FBXW8: variants seen among roughly 807,000 people sequenced by gnomAD.
FBXW8 encodes the protein F-box and WD repeat domain containing 8.
In FBXW8, 57 loss-of-function variants were observed where a neutral mutation model predicts 65.3. The observed-to-expected ratio is 0.87, with a 90% CI of 0.71 to 1.09. FBXW8 has a LOEUF of 1.09. Among genes scored for constraint, FBXW8 ranks in the 50% least tolerant of loss-of-function variants. The pLI is 0.00. For synonymous variants in FBXW8, 308 were observed against 330.2 expected (o/e 0.93, Z 0.73); for missense variants, 777 against 814.8 (o/e 0.95, Z 0.57).
chr12:116,959,042 G>A (rs1231016561), intron 4 of FBXW8, among the ~76,000 whole-genome samples: 2 of 152,168 alleles, frequency 1.3e-5, no homozygotes, highest in Non-Finnish European at 2.9e-5. Flanking sequence ...GTTTGGGAGT[G>A]GCTGTTTGTG....
At chr12:116,949,727 TGA>T (rs1883154218) in intron 4 of FBXW8, 21 bp downstream of exon 4, 1 of 1,607,820 alleles carries the variant, frequency 6.2e-7, no homozygotes, top group South Asian at 1.1e-5. Flanking sequence ...CCGTTTCCAC[TGA>T]GTGCTCTGCA....
chr12:116,978,359 T>C (rs1053020755), intron 5 of FBXW8: 1 of 152,268 alleles, frequency 6.6e-6, no homozygotes, highest in Admixed American at 6.5e-5. Flanking sequence ...TGGTGATGTG[T>C]GGACTTAATG....
chr12:116,979,349 TTA>T (rs1200891248), intron 5 of FBXW8: 2 of 152,240 alleles, frequency 1.3e-5, no homozygotes, highest in African/African-American at 4.8e-5. Flanking sequence ...TGAGCAGGCT[TTA>T]TGTCTCCTCG....
intron 7 of FBXW8, among the ~76,000 whole-genome samples, chr12:116,996,086 C>T (rs917722150): frequency 2.6e-5 from 4 of 152,150 alleles, no homozygotes; most frequent in African/African-American, 9.7e-5. Context: ...GAGAGAGATC[C>T]ACTTAGGGCT....
chr12:116,975,517 TA>T (rs1446801741), intron 5 of FBXW8, among the ~76,000 whole-genome samples: 1 of 152,016 alleles, frequency 6.6e-6, no homozygotes, highest in Non-Finnish European at 1.5e-5. Flanking sequence ...GAAATGGTGG[TA>T]GGGGGGACAC....
At chr12:117,026,738 A>C (rs1277084647) in intron 9 of FBXW8, among the ~76,000 whole-genome samples, 2 of 152,174 alleles carry the variant, frequency 1.3e-5, no homozygotes, top group Non-Finnish European at 2.9e-5. Flanking sequence ...CTTCTTCACT[A>C]GCTAGGGCTC....
intron 10 of FBXW8, 41 bp from the exon 11 acceptor site, chr12:117,027,987 G>T (rs373381027): frequency 6.2e-7 from 1 of 1,610,982 alleles, no homozygotes; most frequent in Admixed American, 1.7e-5. Flanking sequence ...GAGGGCCAGC[G>T]AGGCAGCCCT....
At chr12:116,962,186 A>G (rs953043248) in intron 4 of FBXW8, among the ~76,000 whole-genome samples, 3 of 152,196 alleles carry the variant, frequency 2.0e-5, no homozygotes, top group Non-Finnish European at 4.4e-5. Context: ...TGAGTGGACC[A>G]ACCTCCTCTG....
intron 1 of FBXW8, among the ~76,000 whole-genome samples, chr12:116,927,618 C>T (rs558228156): frequency 6.6e-6 from 1 of 152,262 alleles, no homozygotes; most frequent in South Asian, 2.1e-4. Flanking sequence ...GAGGGGTGGC[C>T]TCCCTGATTT....
Position 117,029,798 on chromosome 12 carries a change from C to CG in FBXW8, c.*1631dup, listed in dbSNP as rs1954317820. On this transcript the variant is annotated 3_prime_UTR_variant, in exon 11 of 11. Coordinates refer to ENST00000652555, the MANE Select transcript of FBXW8 (RefSeq NM_153348.3). ...CTAATTTTTACATTTTTAGTAGAGA[C>CG]GGGGGATATTGCTATGTTGGCCAGG... 1.3e-5 allele frequency: 2 copies of CG among 151,690 alleles called. No homozygotes were observed. Among genetic ancestry groups the CG allele is most frequent in the African/African-American group, 4.8e-5 (2 of 41,294 alleles). The allele number at this position is 151,690 out of a possible 1,614,324, so 9.4% of individuals were successfully genotyped here.
In FBXW8 at chr12:116,988,750, G is replaced by A. The variant is rs781570701; in HGVS notation, c.1120G>A (p.Glu374Lys). The stretch of plus-strand genomic sequence containing the variant: ...AGATCTGATGTACCTGCTCAAAGCC[G>A]AAGACTCCGCCAGAACCCTCCTTTA... ...AGDLMYLLKA[E>K]DSARTLLYAH... The change falls in exon 7 of 11, where the codon GAA becomes AAA. Residue 374 changes from glutamate to lysine, a missense_variant. Glu to Lys is a moderately conservative substitution (Grantham distance 56). Coordinates refer to ENST00000652555, the MANE Select transcript of FBXW8 (RefSeq NM_153348.3). 18 of 1,613,996 alleles carry A rather than the reference G, an allele frequency of 1.1e-5. No individual in the cohort carries two copies. In the African/African-American group the frequency reaches 1.2e-4, roughly 11 times the overall value.
At chr12:116,939,266 G>A (rs1034285553) in intron 2 of FBXW8, among the ~76,000 whole-genome samples, 4 of 152,170 alleles carry the variant, frequency 2.6e-5, no homozygotes, top group African/African-American at 9.7e-5. Context: ...TTTGGATTTG[G>A]GGATTTGGGA....
rs201854291 is a variant in FBXW8, at chr12:116,945,440, C to T, written c.500C>T (p.Pro167Leu). ...CTGTGCCAGCAGGAAGGGCACCTTC[C>T]GGATAGCAGCATCTCTGACTATTCT... ...YRLCQQEGHL[P>L]DSSISDYSCW... is the part of the protein sequence containing the mutation. The change falls in exon 3 of 11, where the codon CCG becomes CTG. Residue 167 changes from proline to leucine, a missense_variant. Transcript: ENST00000652555. 93 of 1,614,056 alleles carry T rather than the reference C, an allele frequency of 5.8e-5. No individual in the cohort carries two copies. In the East Asian group the frequency reaches 1.9e-3, roughly 33 times the overall value.
intron 1 of FBXW8, among the ~76,000 whole-genome samples, chr12:116,915,693 C>A (rs899159747): frequency 8.0e-6 from 1 of 124,726 alleles, no homozygotes; most frequent in Non-Finnish European, 1.6e-5. Context: ...TACCCTGTAA[C>A]CTAGGCTGGA....
In FBXW8 at chr12:116,910,951, C is replaced by T; in HGVS notation, c.-87C>T. 1 of 1,245,376 alleles carries T rather than the reference C, an allele frequency of 8.0e-7. No individual in the cohort carries two copies. The highest frequency in any genetic ancestry group is 1.0e-6 in the Non-Finnish European group (1 of 983,236). The allele number at this position is 1,245,376 out of a possible 1,614,324, so 77.1% of individuals were successfully genotyped here. ...CTAGAGCGGCGGCGGCAGCGGCTTC[C>T]GGCCGCGGCGGACACTTCCCTGGGC... is the stretch of plus-strand genomic sequence containing the variant. On this transcript the variant is annotated 5_prime_UTR_variant, in exon 1 of 11. Transcript: ENST00000652555.
intron 8 of FBXW8, among the ~76,000 whole-genome samples, chr12:117,016,646 T>G (rs530686185): frequency 3.9e-5 from 6 of 152,214 alleles, no homozygotes; most frequent in African/African-American, 1.4e-4. Flanking sequence ...TGTCTGGTTT[T>G]TTTTTTTTTT....
intron 1 of FBXW8, among the ~76,000 whole-genome samples, chr12:116,912,100 G>A (rs1879994041): frequency 6.6e-6 from 1 of 151,878 alleles, no homozygotes; most frequent in African/African-American, 2.4e-5. Flanking sequence ...AGGTTCTAAT[G>A]GTTTGATTTA....
chr12:116,928,870 G>A (rs1193449752), intron 2 of FBXW8, among the ~76,000 whole-genome samples: 1 of 152,144 alleles, frequency 6.6e-6, no homozygotes, highest in Non-Finnish European at 1.5e-5. Flanking sequence ...GAGTGCAGTG[G>A]GACGATCTTG....
Position 116,953,383 on chromosome 12 carries a change from G to T in FBXW8, c.677+3677G>T, listed in dbSNP as rs187483411. 5.9e-3 allele frequency among the ~76,000 whole-genome samples: 896 copies of T among 152,322 alleles called. 27 individuals carry two copies. The highest frequency in any genetic ancestry group is 0.049 in the Admixed American group (748 of 15,296). On this transcript the variant is annotated intron_variant, in intron 4 of 10. Coordinates refer to ENST00000652555, the MANE Select transcript of FBXW8 (RefSeq NM_153348.3). Reference sequence around the variant, plus strand: ...GCATCCACAGGCAGGGCTGGCTGGTGAGGCTGCCGTTTCCAGCCCTCATTT... The same window carrying T: ...GCATCCACAGGCAGGGCTGGCTGGTTAGGCTGCCGTTTCCAGCCCTCATTT...
Sources: allele counts gnomAD v4.1 joint callset (sites outside exome capture counted in the v4.1 genomes callset), GRCh38; gene constraint gnomAD v4.1.1; transcripts MANE v1.5; gene names NCBI Gene and HGNC (gene_info 2026-07-23, HGNC 2026-07-21).